The following FNDC3A variants were observed in gnomAD, a reference collection of about 807,000 sequenced individuals.
FNDC3A encodes fibronectin type III domain containing 3A, also known as fibronectin type-III domain-containing protein 3A.
A neutral mutation model predicts 148.9 loss-of-function variants in FNDC3A; 32 were observed. The ratio of observed to expected loss-of-function variants is 0.21; its 90% CI spans 0.16 to 0.29. The LOEUF (loss-of-function observed/expected upper bound fraction) is 0.29, where lower values mean the gene tolerates loss of function less well. Ranked by LOEUF, FNDC3A falls within the 10% of genes least tolerant of loss-of-function variation. FNDC3A has a pLI of 1.00. For synonymous variants in FNDC3A, 472 were observed against 473.6 expected, an observed-to-expected ratio of 1.00 and a Z score of 0.04; for missense variants, 1,191 against 1,452.8, an observed-to-expected ratio of 0.82 and a Z score of 2.93.
intron 2 of FNDC3A, among the ~76,000 whole-genome samples, chr13:49,050,992 C>T (rs1875800077): frequency 6.6e-6 from 1 of 152,162 alleles, no homozygotes; most frequent in Non-Finnish European, 1.5e-5. Context: ...TGTACATTTG[C>T]ATGGAATGTC....
chr13:49,117,802 A>C (rs999726173), intron 4 of FNDC3A, among the ~76,000 whole-genome samples: 20 of 152,218 alleles, frequency 1.3e-4, no homozygotes, highest in African/African-American at 4.8e-4. Context: ...AGCATTAGAA[A>C]ATTTTGGTAT....
chr13:49,037,696 A>AC (rs1209360638), intron 2 of FNDC3A, among the ~76,000 whole-genome samples: 3 of 152,292 alleles, frequency 2.0e-5, no homozygotes, highest in African/African-American at 7.2e-5. Context: ...CACCCCCCTC[A>AC]CAGTACATGC....
chr13:49,108,635 A>G (rs1880353023), intron 3 of FNDC3A, among the ~76,000 whole-genome samples: 1 of 152,248 alleles, frequency 6.6e-6, no homozygotes, highest in Non-Finnish European at 1.5e-5. Flanking sequence ...TAAATAGTCA[A>G]GAAATAGAAA....
intron 19 of FNDC3A, among the ~76,000 whole-genome samples, chr13:49,194,099 A>G (rs1886031310): frequency 6.6e-6 from 1 of 151,990 alleles, no homozygotes; most frequent in South Asian, 2.1e-4. Flanking sequence ...CATATCTACT[A>G]AAAATACAAA....
At chr13:49,144,029 C>CTAATAA (rs1225593062) in intron 7 of FNDC3A, among the ~76,000 whole-genome samples, 1 of 149,770 alleles carries the variant, frequency 6.7e-6, no homozygotes, top group African/African-American at 2.5e-5. Context: ...ACTACTACTA[C>CTAATAA]TACTAATAAT....
At chr13:48,983,726 T>C (rs903744501) in intron 1 of FNDC3A, among the ~76,000 whole-genome samples, 7 of 152,226 alleles carry the variant, frequency 4.6e-5, no homozygotes, top group Admixed American at 6.5e-5. Flanking sequence ...AAAAACTTTA[T>C]ATGTATCAGT....
chr13:49,123,287 C>T (rs145339150), intron 4 of FNDC3A, among the ~76,000 whole-genome samples: 9 of 152,292 alleles, frequency 5.9e-5, no homozygotes, highest in Non-Finnish European at 1.2e-4. Context: ...GGAATACTGG[C>T]TAGCCACATG....
chr13:49,136,288 G>A (rs757913903), intron 5 of FNDC3A, 44 bp from the exon 6 acceptor site: 3 of 1,513,968 alleles, frequency 2.0e-6, no homozygotes, highest in Non-Finnish European at 1.8e-6. Flanking sequence ...AAACTTATTT[G>A]GAGAAAGTGA....
intron 2 of FNDC3A, among the ~76,000 whole-genome samples, chr13:49,060,734 G>A (rs1876618995): frequency 6.6e-6 from 1 of 151,338 alleles, no homozygotes; most frequent in South Asian, 2.1e-4. Context: ...AAGAAGCCAG[G>A]TCACAAAAGA....
intron 11 of FNDC3A, 88 bp downstream of exon 11, chr13:49,172,184 T>C: frequency 1.3e-6 from 1 of 760,432 alleles, no homozygotes; most frequent in Non-Finnish European, 2.2e-6. Flanking sequence ...AATCATCAAG[T>C]ATATTCTTCT....
intron 1 of FNDC3A, among the ~76,000 whole-genome samples, chr13:48,991,569 A>T (rs1951918136): frequency 6.6e-6 from 1 of 151,884 alleles, no homozygotes; most frequent in Non-Finnish European, 1.5e-5. Context: ...ACGCCTGTAG[A>T]CCCAGCTACT....
chr13:49,167,939 A>G (rs569653587), intron 9 of FNDC3A, among the ~76,000 whole-genome samples: 1 of 152,276 alleles, frequency 6.6e-6, no homozygotes, highest in Admixed American at 6.5e-5. Flanking sequence ...TTGTTTACAC[A>G]TATCTTTTAC....
rs527507161 is a variant in FNDC3A, at chr13:49,030,557, T to C, written c.99+24268T>C. On this transcript the variant is annotated intron_variant, in intron 2 of 25. Coordinates refer to ENST00000492622, the MANE Select transcript of FNDC3A (RefSeq NM_001079673.2). ...ACTAAAGGAATTAAAGGCCTCCAGG[T>C]TGGAAAAGGAATAAAACTCTATTCA... 2.0e-5 allele frequency among the ~76,000 whole-genome samples: 3 copies of C among 152,248 alleles called. No individual in the cohort carries two copies. The South Asian group carries it at 6.2e-4, about 32-fold the overall frequency.
chr13:48,983,216 T>G (rs1262885279), intron 1 of FNDC3A, among the ~76,000 whole-genome samples: 1 of 152,214 alleles, frequency 6.6e-6, no homozygotes, highest in Non-Finnish European at 1.5e-5. Context: ...ATATCTTGTG[T>G]CTTTTCACTT....
chr13:49,005,867 G>T lies in FNDC3A; in HGVS notation c.-39-285G>T, dbSNP rs988418458. On this transcript the variant is annotated intron_variant, in intron 1 of 25. Coordinates refer to ENST00000492622, the MANE Select transcript of FNDC3A (RefSeq NM_001079673.2). ...ATAAAATATTATATAGAGATGAAAG[G>T]GGTGGAGAGACAGACATAGAATTTA... is the stretch of plus-strand genomic sequence containing the variant. 1.5e-4 allele frequency among the ~76,000 whole-genome samples: 23 copies of T among 151,652 alleles called. No individual in the cohort carries two copies. The East Asian group carries it at 3.9e-3, about 26-fold the overall frequency.
At chr13:48,995,089 CTAA>C (rs937361456) in intron 1 of FNDC3A, among the ~76,000 whole-genome samples, 16 of 152,092 alleles carry the variant, frequency 1.1e-4, no homozygotes, top group African/African-American at 3.6e-4. Flanking sequence ...TTTAAAACAA[CTAA>C]TAATAATATT....
intron 7 of FNDC3A, among the ~76,000 whole-genome samples, chr13:49,144,730 C>T (rs1047959501): frequency 2.0e-5 from 3 of 152,076 alleles, no homozygotes; most frequent in Non-Finnish European, 2.9e-5. Flanking sequence ...ACTTTCTCTG[C>T]GTCTCACCAC....
chr13:49,081,184 G>T (rs575486818), intron 3 of FNDC3A, among the ~76,000 whole-genome samples: 1 of 152,196 alleles, frequency 6.6e-6, no homozygotes, highest in Non-Finnish European at 1.5e-5. Context: ...GAATAAATGG[G>T]GCTAACGAGT....
rs1460094619 is a variant in FNDC3A at position 49,201,962 on chromosome 13, G to A, written c.3150G>A (p.Leu1050=). The change falls in exon 24 of 26, where the codon TTG becomes TTA. Residue 1050 remains leucine (L), a synonymous_variant. Coordinates refer to ENST00000492622, the MANE Select transcript of FNDC3A (RefSeq NM_001079673.2). ...CTCCAAAATCTGTCCCAGCTGCCTT[G>A]AAAGGTAAGTTATACATCCTGAACT... The part of the protein sequence containing the change: ...FTTPKSVPAA[L]KAPKIEKVND... 6 of 1,545,618 alleles carry A rather than the reference G, an allele frequency of 3.9e-6. No individual in the cohort carries two copies. The highest frequency in any genetic ancestry group is 1.4e-5 in the African/African-American group (1 of 71,300).
Sources: gnomAD v4.1 joint callset for allele counts (sites outside exome capture counted in the v4.1 genomes callset) on GRCh38, gnomAD v4.1.1 for gene constraint, MANE v1.5 for transcripts, NCBI Gene and HGNC (gene_info 2026-07-23, HGNC 2026-07-21) for gene names.